Variants in KCNB2 observed in about 807,000 individuals in gnomAD.
KCNB2 encodes potassium voltage-gated channel subfamily B member 2, also known as delayed rectifier potassium channel protein.
Under a neutral mutation model 61.5 loss-of-function variants are expected in KCNB2, and 15 were observed. The observed-to-expected ratio is 0.24, with a 90% CI of 0.16 to 0.38. KCNB2 has a LOEUF of 0.38. KCNB2 is among the 10% of genes least tolerant of loss of function. The pLI is 1.00. For synonymous variants in KCNB2, 457 were observed against 446.0 expected, an observed-to-expected ratio of 1.02 and a Z score of -0.31; for missense variants, 828 against 1,125.2, an observed-to-expected ratio of 0.74 and a Z score of 3.78.
At chr8:72,593,154 C>T (rs1807128332) in intron 2 of KCNB2, among the ~76,000 whole-genome samples, 1 of 152,038 alleles carries the variant, frequency 6.6e-6, no homozygotes, top group Admixed American at 6.5e-5. Flanking sequence ...ATAATGAGTA[C>T]TATATTTAGT....
intron 1 of KCNB2, among the ~76,000 whole-genome samples, chr8:72,544,051 G>T (rs1806226823): frequency 6.6e-6 from 1 of 152,210 alleles, no homozygotes; most frequent in Non-Finnish European, 1.5e-5. Flanking sequence ...AATTATCACT[G>T]TGAAGAGTAT....
chr8:72,706,082 C>T (rs577329426), intron 2 of KCNB2, among the ~76,000 whole-genome samples: 1 of 152,168 alleles, frequency 6.6e-6, no homozygotes, highest in Non-Finnish European at 1.5e-5. Context: ...AACAGCGACT[C>T]CCAGAGAAGG....
At chr8:72,657,320 C>T (rs909548887) in intron 2 of KCNB2, among the ~76,000 whole-genome samples, 2 of 151,982 alleles carry the variant, frequency 1.3e-5, no homozygotes, top group Non-Finnish European at 2.9e-5. Context: ...AGAAAAGAAG[C>T]CACTAAAGAT....
At chr8:72,796,453 C>T (rs1809031784) in intron 2 of KCNB2, among the ~76,000 whole-genome samples, 1 of 152,046 alleles carries the variant, frequency 6.6e-6, no homozygotes, top group African/African-American at 2.4e-5. Flanking sequence ...GGTAACTTTC[C>T]AAATATATAA....
intron 2 of KCNB2, among the ~76,000 whole-genome samples, chr8:72,816,244 A>G (rs774650745): frequency 3.9e-5 from 6 of 152,184 alleles, no homozygotes; most frequent in Admixed American, 6.5e-5. Context: ...GTTAGTGAAG[A>G]TAAGCCTCTC....
chr8:72,559,872 C>T (rs997599040), intron 1 of KCNB2, among the ~76,000 whole-genome samples: 1 of 152,152 alleles, frequency 6.6e-6, no homozygotes, highest in African/African-American at 2.4e-5. Flanking sequence ...GATCTGGGTT[C>T]TAGTTCAAGC....
intron 2 of KCNB2, among the ~76,000 whole-genome samples, chr8:72,724,822 AT>A (rs1427540453): frequency 4.6e-5 from 7 of 152,208 alleles, no homozygotes; most frequent in Admixed American, 3.3e-4. Flanking sequence ...CGGATCTAGC[AT>A]AATACCTAAC....
intron 1 of KCNB2, among the ~76,000 whole-genome samples, chr8:72,545,002 T>G (rs1019455572): frequency 6.6e-6 from 1 of 152,200 alleles, no homozygotes. Flanking sequence ...GGGAGGCTAC[T>G]TTCCAGTCAT....
At chr8:72,637,604 A>G (rs1430951938) in intron 2 of KCNB2, among the ~76,000 whole-genome samples, 2 of 152,110 alleles carry the variant, frequency 1.3e-5, no homozygotes, top group African/African-American at 4.8e-5. Flanking sequence ...CCCCACCGTC[A>G]CTGTTATAGC....
At chr8:72,563,851 C>G (rs1485923939) in intron 1 of KCNB2, among the ~76,000 whole-genome samples, 2 of 152,146 alleles carry the variant, frequency 1.3e-5, no homozygotes, top group African/African-American at 4.8e-5. Flanking sequence ...TGAGCCTGCA[C>G]TCTTTATCAG....
intron 2 of KCNB2, among the ~76,000 whole-genome samples, chr8:72,689,920 A>T (rs1243902718): frequency 1.3e-5 from 2 of 152,052 alleles, no homozygotes; most frequent in South Asian, 4.1e-4. Context: ...TTTATTTTAC[A>T]TTCGGTGACT....
rs1197442922 is a variant in KCNB2, at chr8:72,776,359, C to T, written c.580-159576C>T. Among the ~76,000 whole-genome samples, 3 of 152,096 alleles carry T rather than the reference C, an allele frequency of 2.0e-5. No individual in the cohort carries two copies. The East Asian group carries it at 5.8e-4, about 29-fold the overall frequency. On this transcript the variant is annotated intron_variant, in intron 2 of 2. Transcript: ENST00000523207. ...GGCACATGTATACATATGTAACAAA[C>T]CTGCACATTGTGCACATGTACCCTA... is the stretch of plus-strand genomic sequence containing the variant.
intron 2 of KCNB2, among the ~76,000 whole-genome samples, chr8:72,803,395 G>C (rs916770969): frequency 6.6e-6 from 1 of 152,150 alleles, no homozygotes; most frequent in African/African-American, 2.4e-5. Context: ...CTGATGGCAG[G>C]AATGTTCCAA....
chr8:72,643,305 G>T (rs958823246), intron 2 of KCNB2, among the ~76,000 whole-genome samples: 9 of 152,170 alleles, frequency 5.9e-5, no homozygotes, highest in Non-Finnish European at 1.3e-4. Flanking sequence ...CACTGAGGAG[G>T]TATGGGATGG....
At chr8:72,931,461 T>C (rs1041380982) in intron 2 of KCNB2, among the ~76,000 whole-genome samples, 4 of 152,210 alleles carry the variant, frequency 2.6e-5, no homozygotes. Context: ...GTTTGTGTCC[T>C]CTTTTATTTT....
chr8:72,570,755 G>A (rs1417484538), intron 2 of KCNB2, among the ~76,000 whole-genome samples: 1 of 152,142 alleles, frequency 6.6e-6, no homozygotes, highest in African/African-American at 2.4e-5. Context: ...TGAAGCCCTT[G>A]TGTAGGAATG....
intron 2 of KCNB2, among the ~76,000 whole-genome samples, chr8:72,919,034 C>T (rs1193771601): frequency 6.6e-6 from 1 of 152,080 alleles, no homozygotes; most frequent in Non-Finnish European, 1.5e-5. Context: ...TTTGGGCACC[C>T]ACAGGTCTTT....
chr8:72,850,407 G>A (rs1048994003), intron 2 of KCNB2, among the ~76,000 whole-genome samples: 2 of 152,076 alleles, frequency 1.3e-5, no homozygotes, highest in African/African-American at 4.8e-5. Context: ...TTTTTGTAGA[G>A]ATGGGGTTTC....
At chr8:72,931,095 A>G (rs1483864817) in intron 2 of KCNB2, among the ~76,000 whole-genome samples, 4 of 152,226 alleles carry the variant, frequency 2.6e-5, no homozygotes, top group Non-Finnish European at 5.9e-5. Context: ...TTTGTCAAAG[A>G]TCAGATAGTT....
Sources: gnomAD v4.1 joint callset for allele counts (sites outside exome capture counted in the v4.1 genomes callset) on GRCh38, gnomAD v4.1.1 for gene constraint, MANE v1.5 for transcripts, NCBI Gene and HGNC (gene_info 2026-07-23, HGNC 2026-07-21) for gene names.